Variants in NCOA7 observed in about 807,000 individuals in gnomAD.
NCOA7 encodes 140 kDa estrogen receptor-associated protein.
NCOA7 carries 45 observed loss-of-function variants against 104.3 expected under a neutral mutation model. That is an observed-to-expected ratio of 0.43 (90% CI 0.34 to 0.55). The LOEUF (loss-of-function observed/expected upper bound fraction) is 0.55. Among genes scored for constraint, NCOA7 ranks in the 20% least tolerant of loss-of-function variants. NCOA7 has a pLI of 0.02. For synonymous variants in NCOA7, 398 were observed against 402.3 expected, an observed-to-expected ratio of 0.99 and a Z score of 0.13; for missense variants, 1,041 against 1,119.7, an observed-to-expected ratio of 0.93 and a Z score of 1.00.
At chr6:125,793,907 G>C (rs1386883316) in intron 1 of NCOA7, among the ~76,000 whole-genome samples, 1 of 152,176 alleles carries the variant, frequency 6.6e-6, no homozygotes, top group Non-Finnish European at 1.5e-5. Flanking sequence ...GTACATGCCA[G>C]AGAATATGAA....
intron 4 of NCOA7, 105 bp downstream of exon 4, chr6:125,875,073 C>A: frequency 2.6e-6 from 2 of 775,280 alleles, no homozygotes; most frequent in East Asian, 2.5e-5. Flanking sequence ...CTTGTGTACC[C>A]ATTAAACAAT....
intron 8 of NCOA7, among the ~76,000 whole-genome samples, chr6:125,888,606 C>T (rs1340862807): frequency 6.6e-6 from 1 of 152,124 alleles, no homozygotes; most frequent in African/African-American, 2.4e-5. Flanking sequence ...TCATGAAAGT[C>T]AGAAACATTA....
intron 10 of NCOA7, among the ~76,000 whole-genome samples, chr6:125,892,834 T>C (rs1235507331): frequency 2.6e-5 from 4 of 152,224 alleles, no homozygotes; most frequent in African/African-American, 9.7e-5. Context: ...AAAGATTTTC[T>C]TGGAAGTGTT....
chr6:125,877,407 A>G (rs1267568556), intron 4 of NCOA7, among the ~76,000 whole-genome samples: 1 of 152,224 alleles, frequency 6.6e-6, no homozygotes, highest in Admixed American at 6.5e-5. Context: ...ACCCAGGGCT[A>G]TCAATTGGAA....
chr6:125,849,499 A>G (rs1199860071), intron 2 of NCOA7, among the ~76,000 whole-genome samples: 9 of 152,152 alleles, frequency 5.9e-5, no homozygotes, highest in Non-Finnish European at 1.5e-5. Context: ...CCAAACAGTG[A>G]TTGCTTCTTA....
chr6:125,913,577 T>C, intron 10 of NCOA7: 1 of 798,746 alleles, frequency 1.3e-6, no homozygotes, highest in Non-Finnish European at 1.5e-6. Flanking sequence ...TTTACTTTTG[T>C]AATAGAAATG....
chr6:125,824,622 G>GTTTA lies in NCOA7; in HGVS notation c.50+9220_50+9223dup, dbSNP rs1416224604. Reference sequence around the variant, plus strand: ...ACAACTGTTGGGTAAATTTCAGGGAGTTTATAAATCCCCTAAAACTTGTCT... The same window carrying GTTTA: ...ACAACTGTTGGGTAAATTTCAGGGAGTTTATTTATAAATCCCCTAAAACTTGTCT... On this transcript the variant is annotated intron_variant, in intron 2 of 15. Coordinates refer to ENST00000392477, the MANE Select transcript of NCOA7 (RefSeq NM_181782.5). Among the ~76,000 whole-genome samples the GTTTA allele has an allele frequency of 3.3e-5, 5 of 152,162 alleles. No homozygotes were observed. In the East Asian group the frequency reaches 9.7e-4, roughly 29 times the overall value.
At chr6:125,790,064 C>G (rs1392926454), upstream of NCOA7, among the ~76,000 whole-genome samples, 2 of 152,190 alleles carry the variant, frequency 1.3e-5, no homozygotes, top group Non-Finnish European at 2.9e-5. Context: ...GAGTCTCTGC[C>G]AAGAGTCGGC....
rs1184391848 is a variant in NCOA7, at chr6:125,889,390, G to A, written c.1336G>A (p.Glu446Lys). ...GGAGTGCCTTTCTCTTGACCCAGAGGAACGAAAGAAAGCTGAGTCACAAAT... is the reference window on the plus strand; with the variant it reads ...GGAGTGCCTTTCTCTTGACCCAGAGAAACGAAAGAAAGCTGAGTCACAAAT... Reference protein sequence around the residue: ...LKECLSLDPEERKKAESQINN... With the variant: ...LKECLSLDPEKRKKAESQINN... Residue 446 changes from glutamate (E) to lysine (K), a missense_variant, in exon 9 of 16, where the codon GAA becomes AAA. Coordinates refer to ENST00000392477, the MANE Select transcript of NCOA7 (RefSeq NM_181782.5). 6.2e-7 allele frequency: 1 copy of A among 1,613,892 alleles called. No individual in the cohort carries two copies. The highest frequency in any genetic ancestry group is 8.5e-7 in the Non-Finnish European group (1 of 1,179,916).
At chr6:125,904,291 C>T (rs945350574) in intron 10 of NCOA7, among the ~76,000 whole-genome samples, 1 of 152,154 alleles carries the variant, frequency 6.6e-6, no homozygotes, top group Non-Finnish European at 1.5e-5. Flanking sequence ...CTCCGATGCC[C>T]CTCAGCTGTT....
chr6:125,787,126 A>T (rs570584557), upstream of NCOA7, among the ~76,000 whole-genome samples: 137 of 100,492 alleles, frequency 1.4e-3, no homozygotes, highest in African/African-American at 7.0e-3. Flanking sequence ...TGTCTGGAAG[A>T]AAAAAAAAAA....
rs115321809 is a variant in NCOA7 at position 125,860,473 on chromosome 6, G to A, written c.271+5233G>A. 7.1e-3 allele frequency among the ~76,000 whole-genome samples: 1,077 copies of A among 151,934 alleles called. 9 individuals are homozygous for A. Among genetic ancestry groups the A allele is most frequent in the African/African-American group, 0.025 (1,024 of 41,442 alleles). ...AGTGATTCTCATGCCTCAGCTTCCC[G>A]AGTAGATGAGATTACAGGCACACGC... On this transcript the variant is annotated intron_variant, in intron 3 of 15. Coordinates refer to ENST00000392477, the MANE Select transcript of NCOA7 (RefSeq NM_181782.5).
chr6:125,878,492 T>C, intron 5 of NCOA7, 122 bp downstream of exon 5: 1 of 625,044 alleles, frequency 1.6e-6, no homozygotes, highest in South Asian at 2.6e-5. Context: ...TTTGGTTCAA[T>C]ATTTTCTCTC....
rs71563687 is a variant in NCOA7 at position 125,874,297 on chromosome 6, C to G, written c.272-592C>G. ...CCGAGATCGTGCCGCTGCACTCCAG[C>G]CTGGGTGACAGAGTGAGACTCTTGT... is the stretch of plus-strand genomic sequence containing the variant. On this transcript the variant is annotated intron_variant, in intron 3 of 15. Coordinates refer to ENST00000392477, the MANE Select transcript of NCOA7 (RefSeq NM_181782.5). Among the ~76,000 whole-genome samples, 327 of 152,322 alleles carry G rather than the reference C, an allele frequency of 2.1e-3. 1 individual carries two copies. The highest frequency in any genetic ancestry group is 0.02 in the Middle Eastern group (6 of 294).
intron 2 of NCOA7, among the ~76,000 whole-genome samples, chr6:125,845,834 G>A (rs972417569): frequency 2.6e-5 from 4 of 152,092 alleles, no homozygotes; most frequent in Admixed American, 6.5e-5. Context: ...TACATCCACC[G>A]AACCTGTATA....
chr6:125,915,753 A>T (rs1787015997), intron 11 of NCOA7, among the ~76,000 whole-genome samples: 2 of 151,184 alleles, frequency 1.3e-5, no homozygotes, highest in Admixed American at 1.3e-4. Flanking sequence ...AGCTCAGCAA[A>T]TTTTTTTTTG....
intron 12 of NCOA7, among the ~76,000 whole-genome samples, chr6:125,922,194 A>T (rs1188752397): frequency 1.3e-5 from 2 of 152,226 alleles, no homozygotes; most frequent in Admixed American, 6.5e-5. Context: ...CAGGTAAAAG[A>T]TATAGGTGCA....
chr6:125,798,705 A>C (rs909506071), intron 1 of NCOA7, among the ~76,000 whole-genome samples: 3 of 152,220 alleles, frequency 2.0e-5, no homozygotes, highest in Non-Finnish European at 2.9e-5. Context: ...GAAAGTGACA[A>C]ACTTACTTTT....
upstream of NCOA7, among the ~76,000 whole-genome samples, chr6:125,786,711 G>C (rs565107816): frequency 6.6e-6 from 1 of 152,016 alleles, no homozygotes; most frequent in South Asian, 2.1e-4. Context: ...CAAGTAGGTG[G>C]GATACAGGCA....
Sources: gnomAD v4.1 joint callset for allele counts (sites outside exome capture counted in the v4.1 genomes callset) on GRCh38, gnomAD v4.1.1 for gene constraint, MANE v1.5 for transcripts, NCBI Gene and HGNC (gene_info 2026-07-23, HGNC 2026-07-21) for gene names.